WARS2: variants seen among roughly 807,000 people sequenced by gnomAD.
WARS2 encodes tryptophan--tRNA ligase, mitochondrial.
WARS2 carries 28 observed loss-of-function variants against 36.5 expected under a neutral mutation model. The ratio of observed to expected loss-of-function variants is 0.77; its 90% confidence interval spans 0.57 to 1.05. The LOEUF is 1.05. Among genes scored for constraint, WARS2 ranks in the 50% least tolerant of loss-of-function variants. The pLI is 0.00. For missense variants in WARS2, 435 were observed against 456.8 expected, an observed-to-expected ratio of 0.95 and a Z score of 0.44; for synonymous variants, 174 against 178.4, an observed-to-expected ratio of 0.98 and a Z score of 0.20.
intron 2 of WARS2, among the ~76,000 whole-genome samples, chr1:119,057,327 G>A (rs1209354195): frequency 6.6e-6 from 1 of 151,712 alleles, no homozygotes; most frequent in Non-Finnish European, 1.5e-5. Flanking sequence ...TGTGTTTTTA[G>A]TAGAGACAGG....
chr1:119,076,437 G>A lies in WARS2; in HGVS notation c.261C>T (p.Val87=), dbSNP rs1651737367. Residue 87 remains valine, a synonymous_variant, in exon 2 of 6, where the codon GTC becomes GTT. Coordinates refer to ENST00000235521, the MANE Select transcript of WARS2 (RefSeq NM_015836.4). ...TCATGTCCAGGATGCTCTGCCGAAG[G>A]ACAGCTGGGTCTTGGGGGACAGTAA... ...HSITVPQDPA[V]LRQSILDMTA... The A allele has an allele frequency of 1.9e-6, 3 of 1,614,154 alleles. No individual in the cohort carries two copies. The South Asian group carries it at 3.3e-5, about 18-fold the overall frequency.
At chr1:119,044,328 G>A (rs1462342201) in intron 3 of WARS2, among the ~76,000 whole-genome samples, 2 of 152,162 alleles carry the variant, frequency 1.3e-5, no homozygotes, top group Non-Finnish European at 2.9e-5. Flanking sequence ...GTTTTAAAGT[G>A]GGAATAGTTC....
intron 1 of WARS2, among the ~76,000 whole-genome samples, chr1:119,089,404 A>G (rs1652890480): frequency 6.6e-6 from 1 of 152,168 alleles, no homozygotes; most frequent in South Asian, 2.1e-4. Context: ...ACCAAGCACT[A>G]AAATATGATT....
In WARS2 at chr1:119,076,507, T is replaced by G; in HGVS notation, c.191A>C (p.Asp64Ala). 1 of 1,614,146 alleles carries G rather than the reference T, an allele frequency of 6.2e-7. No homozygotes were observed. Among genetic ancestry groups the G allele is most frequent in the Non-Finnish European group, 8.5e-7 (1 of 1,180,014 alleles). Residue 64 changes from aspartate (D) to alanine (A), a missense_variant, in exon 2 of 6, where the codon GAT (aspartate) becomes GCT (alanine). Physicochemically the swap from Asp to Ala is moderately radical, Grantham distance 126. Transcript: ENST00000235521. Reference protein sequence around the residue: ...GAIESWVRLQDEYDSVLYSIV... With the variant: ...GAIESWVRLQAEYDSVLYSIV... The stretch of plus-strand genomic sequence containing the variant: ...GCTGTATAATACAGAGTCATATTCA[T>G]CCTGTAACCTCACCCAGCTCTCAAT...
At chr1:119,077,498 G>A (rs1363070005) in intron 1 of WARS2, among the ~76,000 whole-genome samples, 1 of 152,032 alleles carries the variant, frequency 6.6e-6, no homozygotes, top group Non-Finnish European at 1.5e-5. Flanking sequence ...TTATAATTTG[G>A]TGTATGAGAT....
chr1:119,054,847 T>C (rs888076543), intron 2 of WARS2, among the ~76,000 whole-genome samples: 2 of 152,100 alleles, frequency 1.3e-5, no homozygotes, highest in African/African-American at 2.4e-5. Context: ...TACATTTGAG[T>C]AGTCAAACTC....
chr1:119,047,820 G>T (rs1648984872), intron 2 of WARS2, among the ~76,000 whole-genome samples: 1 of 152,136 alleles, frequency 6.6e-6, no homozygotes, highest in South Asian at 2.1e-4. Context: ...AAAAACAAAG[G>T]CATGGACAAT....
intron 2 of WARS2, chr1:119,063,605 G>C (rs901095761): frequency 1.3e-5 from 2 of 152,202 alleles, no homozygotes; most frequent in Admixed American, 6.5e-5. Flanking sequence ...GGTGCTGTGT[G>C]CAGCCTAGGG....
chr1:119,039,801 A>G (rs189755747), intron 4 of WARS2, among the ~76,000 whole-genome samples: 1 of 152,290 alleles, frequency 6.6e-6, no homozygotes, highest in East Asian at 1.9e-4. Context: ...TTTTGACAAA[A>G]GGAAACACTA....
At chr1:119,113,518 G>T (rs1654781843) in intron 1 of WARS2, among the ~76,000 whole-genome samples, 1 of 152,070 alleles carries the variant, frequency 6.6e-6, no homozygotes, top group South Asian at 2.1e-4. Context: ...GACAGATATT[G>T]GCAGTAAATT....
chr1:119,127,350 G>C, intron 1 of WARS2: 11 of 401,038 alleles, frequency 2.7e-5, no homozygotes, highest in Non-Finnish European at 3.3e-5. Flanking sequence ...TTTTACAGAT[G>C]AAAAAAAATT....
intron 1 of WARS2, among the ~76,000 whole-genome samples, chr1:119,099,869 A>C (rs940631736): frequency 2.0e-5 from 3 of 152,214 alleles, no homozygotes; most frequent in Non-Finnish European, 4.4e-5. Context: ...ACCCAGGAAA[A>C]GCTCTCCTGC....
intron 1 of WARS2, among the ~76,000 whole-genome samples, chr1:119,127,994 T>C (rs1655795249): frequency 6.6e-6 from 1 of 152,184 alleles, no homozygotes; most frequent in Non-Finnish European, 1.5e-5. Flanking sequence ...TAACTAACCT[T>C]CTGCACTAAT....
At chr1:119,051,179 C>G (rs1009216119) in intron 2 of WARS2, among the ~76,000 whole-genome samples, 2 of 152,064 alleles carry the variant, frequency 1.3e-5, no homozygotes, top group Admixed American at 1.3e-4. Flanking sequence ...CTTCTCCCTC[C>G]TCCCATTCGA....
At chr1:119,053,631 A>G (rs544505963) in intron 2 of WARS2, among the ~76,000 whole-genome samples, 52 of 152,326 alleles carry the variant, frequency 3.4e-4, no homozygotes, top group African/African-American at 1.2e-3. Flanking sequence ...AACTACATCG[A>G]AATTTAAAAC....
At chr1:119,103,871 CTTT>C (rs1302085560) in intron 1 of WARS2, among the ~76,000 whole-genome samples, 1 of 150,522 alleles carries the variant, frequency 6.6e-6, no homozygotes, top group Non-Finnish European at 1.5e-5. Context: ...TTCTACTTTC[CTTT>C]TTAATTAAAA....
intron 1 of WARS2, among the ~76,000 whole-genome samples, chr1:119,113,008 T>C (rs1434842034): frequency 1.3e-5 from 2 of 152,074 alleles, no homozygotes; most frequent in Non-Finnish European, 2.9e-5. Flanking sequence ...GTAAGGTCAA[T>C]AGATAAGTGA....
intron 2 of WARS2, among the ~76,000 whole-genome samples, chr1:119,059,848 T>C (rs1650230558): frequency 1.3e-5 from 2 of 152,166 alleles, no homozygotes; most frequent in Non-Finnish European, 2.9e-5. Flanking sequence ...GAAAGCCAAA[T>C]GCTGCACGTT....
At position 119,133,539 on chromosome 1, in the gene WARS2, T is replaced by C. The variant is rs189146974; in HGVS notation, c.90+7016A>G. Among the ~76,000 whole-genome samples, 3 of 152,344 alleles carry C rather than the reference T, an allele frequency of 2.0e-5. No individual in the cohort carries two copies. The East Asian group carries it at 5.8e-4, about 29-fold the overall frequency. On this transcript the variant is annotated intron_variant, in intron 1 of 5. Coordinates refer to ENST00000235521, the MANE Select transcript of WARS2 (RefSeq NM_015836.4). ...TTTAACCTCCCAACATCGTCATCTA[T>C]AAAATAGGGCTAATAGCACCTACCT...
Sources: gnomAD v4.1 joint callset for allele counts (sites outside exome capture counted in the v4.1 genomes callset) on GRCh38, gnomAD v4.1.1 for gene constraint, MANE v1.5 for transcripts, NCBI Gene and HGNC (gene_info 2026-07-23, HGNC 2026-07-21) for gene names.